Variants in TMEM165 observed in about 807,000 individuals in gnomAD.
The protein encoded by TMEM165 is putative divalent cation/proton antiporter TMEM165.
TMEM165 carries 19 observed loss-of-function variants against 30.0 expected under a neutral mutation model. The ratio of observed to expected loss-of-function variants is 0.63; its 90% CI spans 0.44 to 0.93. The LOEUF is 0.93. Ranked by LOEUF, TMEM165 falls within the 40% of genes least tolerant of loss-of-function variation. TMEM165 has a pLI of 0.00. For synonymous variants in TMEM165, 168 were observed against 162.9 expected, an observed-to-expected ratio of 1.03 and a Z score of -0.24; for missense variants, 340 against 417.0, an observed-to-expected ratio of 0.82 and a Z score of 1.61.
chr4:55,430,241 G>T (rs1053037098), downstream of TMEM165: 2 of 152,220 alleles, frequency 1.3e-5, no homozygotes, highest in African/African-American at 4.8e-5. Context: ...ATTTCACTTA[G>T]TTGTCTCTCC....
intron 1 of TMEM165, among the ~76,000 whole-genome samples, chr4:55,409,460 GT>G (rs1176932917): frequency 2.6e-5 from 4 of 152,078 alleles, no homozygotes; most frequent in Admixed American, 1.3e-4. Flanking sequence ...TTAAAAATAA[GT>G]TATTAGGATT....
intron 3 of TMEM165, chr4:55,431,536 A>C (rs1722502120): frequency 1.3e-5 from 2 of 152,274 alleles, no homozygotes; most frequent in South Asian, 2.1e-4. Flanking sequence ...CAAAAATTCC[A>C]ATCAGCTTGT....
intron 3 of TMEM165, among the ~76,000 whole-genome samples, chr4:55,436,343 C>A (rs1722876011): frequency 6.6e-6 from 1 of 152,158 alleles, no homozygotes; most frequent in Admixed American, 6.6e-5. Context: ...GAGTTTTGCT[C>A]TGCCATTTAC....
rs779293741 is a variant in TMEM165 at position 55,417,830 on chromosome 4, C to T, written c.637C>T (p.Pro213Ser). ...TCAACGAACCAAACTTTTAAATGGA[C>T]CGGGAGATGTTGAAACGGGTACAAG... The part of the protein sequence containing the change: ...EFQRTKLLNG[P>S]GDVETGTSIT... Residue 213 changes from proline to serine, a missense_variant, in exon 4 of 6, where the codon CCG (proline) becomes TCG (serine). By Grantham distance (74) the Pro-to-Ser change is moderately conservative. Transcript: ENST00000381334. 1.9e-6 allele frequency: 3 copies of T among 1,610,850 alleles called. No individual in the cohort carries two copies. The highest frequency in any genetic ancestry group is 1.1e-5 in the South Asian group (1 of 90,024).
chr4:55,446,493 A>C (rs1223113805), intron 3 of TMEM165, among the ~76,000 whole-genome samples: 1 of 152,206 alleles, frequency 6.6e-6, no homozygotes, highest in Non-Finnish European at 1.5e-5. Flanking sequence ...AAAGTTGCAA[A>C]AATCTGACAG....
intron 3 of TMEM165, chr4:55,450,350 CT>C: frequency 8.9e-7 from 1 of 1,128,186 alleles, no homozygotes; most frequent in Non-Finnish European, 1.3e-6. Context: ...GCAAAAGTAC[CT>C]GTATGTACAT....
intron 4 of TMEM165, among the ~76,000 whole-genome samples, chr4:55,419,122 T>C (rs1721862227): frequency 6.6e-6 from 1 of 152,182 alleles, no homozygotes; most frequent in South Asian, 2.1e-4. Flanking sequence ...TTTCAGTGCT[T>C]ATCTATCGTT....
At position 55,440,988 on chromosome 4, in the gene TMEM165, C is replaced by CAA. The variant is rs558779731; in HGVS notation, c.409-11250_409-11249dup. On this transcript the variant is annotated intron_variant, in intron 3 of 3. Transcript: ENST00000608091. ...TACAAAAACAAAACAAAACAAAACA[C>CAA]AACACAACAAAAAACTGCTCACTTC... Among the ~76,000 whole-genome samples the CAA allele has an allele frequency of 5.3e-3, 764 of 144,770 alleles. 4 individuals carry two copies. Among genetic ancestry groups the CAA allele is most frequent in the African/African-American group, 0.017 (705 of 40,776 alleles). 95.0% of individuals were successfully genotyped at this position (144,770 alleles called of 152,430 possible). A position where few individuals can be genotyped will look rare whatever the true frequency, so the allele number is the denominator to read the frequency against.
intron 3 of TMEM165, chr4:55,442,563 T>C: frequency 6.2e-7 from 1 of 1,612,016 alleles, no homozygotes; most frequent in Non-Finnish European, 8.5e-7. Context: ...ACAGTGGGGC[T>C]GTAAGAGTGC....
intron 3 of TMEM165, among the ~76,000 whole-genome samples, chr4:55,437,209 C>G (rs984408653): frequency 6.6e-6 from 1 of 152,068 alleles, no homozygotes; most frequent in African/African-American, 2.4e-5. Flanking sequence ...ATATTTGGAC[C>G]AGGACACAAA....
intron 1 of TMEM165, chr4:55,397,456 C>G (rs1453885847): frequency 6.6e-6 from 1 of 151,844 alleles, no homozygotes; most frequent in South Asian, 2.1e-4. Context: ...GCTTTGTGCT[C>G]TCTTGCCAGT....
At chr4:55,402,809 T>TTTTTTTTTTTTTTTTTTA (rs1560387581) in intron 1 of TMEM165, among the ~76,000 whole-genome samples, 1 of 131,998 alleles carries the variant, frequency 7.6e-6, no homozygotes, top group Non-Finnish European at 1.6e-5. Context: ...TTTTTTTTTT[T>TTTTTTTTTTTTTTTTTTA]GAGACGGAGT....
At chr4:55,428,993 T>A (rs1389296772), downstream of TMEM165, 13 of 147,788 alleles carry the variant, frequency 8.8e-5, no homozygotes, top group African/African-American at 3.3e-4. Flanking sequence ...TTTTTTTTTT[T>A]TAAAAAGACA....
intron 3 of TMEM165, among the ~76,000 whole-genome samples, chr4:55,445,582 CTTTTT>C (rs56157186): frequency 1.7e-3 from 120 of 68,578 alleles, no homozygotes; most frequent in South Asian, 6.4e-3. Flanking sequence ...TTTCTATATT[CTTTTT>C]TTTTTTTTTT....
At chr4:55,452,859 C>T (rs1287290651) in exon 4 of TMEM165, 2 of 475,904 alleles carry the variant, frequency 4.2e-6, no homozygotes, top group Non-Finnish European at 7.5e-6. Context: ...ACACATCTCT[C>T]ATCCAATTTT....
intron 1 of TMEM165, among the ~76,000 whole-genome samples, chr4:55,397,694 C>T (rs71599684): frequency 6.7e-6 from 1 of 149,814 alleles, no homozygotes; most frequent in Non-Finnish European, 1.5e-5. Context: ...CTTTCCATTC[C>T]TTTCATTTCT....
At chr4:55,415,565 CTT>C (rs1409332658) in intron 2 of TMEM165, 1 of 152,130 alleles carries the variant, frequency 6.6e-6, no homozygotes. Context: ...GTCTTTGCCT[CTT>C]GTCTTTTTCA....
At position 55,399,861 on chromosome 4, in the gene TMEM165, G is replaced by A. The variant is rs552735380; in HGVS notation, c.207+3465G>A. Among the ~76,000 whole-genome samples the A allele has an allele frequency of 1.6e-3, 248 of 152,070 alleles. No homozygotes were observed. In the Middle Eastern group the frequency reaches 0.02, roughly 13 times the overall value. ...GAAGGGATCCTTGTCTTTAAAACTAGGGGTATGGAGGGAAGGGTGGGTATA... is the reference window on the plus strand; with the variant it reads ...GAAGGGATCCTTGTCTTTAAAACTAAGGGTATGGAGGGAAGGGTGGGTATA... On this transcript the variant is annotated intron_variant, in intron 1 of 5. Coordinates refer to ENST00000381334, the MANE Select transcript of TMEM165 (RefSeq NM_018475.5).
intron 3 of TMEM165, chr4:55,442,209 G>A: frequency 1.8e-6 from 1 of 540,654 alleles, no homozygotes. Context: ...ATAATATTTT[G>A]TAGCATATTT....
Sources: gnomAD v4.1 joint callset for allele counts (sites outside exome capture counted in the v4.1 genomes callset) on GRCh38, gnomAD v4.1.1 for gene constraint, MANE v1.5 for transcripts, NCBI Gene and HGNC (gene_info 2026-07-23, HGNC 2026-07-21) for gene names.